Variants in BRD10 observed in about 807,000 individuals in gnomAD.
BRD10 encodes uncharacterized bromodomain-containing protein 10.
At chr9:5,946,499 T>C in the BRD10 span, among the ~76,000 whole-genome samples, 2 of 152,036 alleles carry the variant, frequency 1.3e-5, no homozygotes, top group Non-Finnish European at 2.9e-5. Flanking sequence ...TCAACTTCTA[T>C]TGTAACTATG....
chr9:5,909,641 G>T, the BRD10 span: 1 of 152,222 alleles, frequency 6.6e-6, no homozygotes, highest in Admixed American at 6.5e-5. Flanking sequence ...CTAATGACAA[G>T]TATTTTCTAC....
chr9:5,908,763 G>C, the BRD10 span: 2 of 1,500,592 alleles, frequency 1.3e-6, no homozygotes, highest in Non-Finnish European at 9.3e-7. Context: ...ACTTTTGCTT[G>C]AATTTAATAC....
chr9:5,920,355 T>C, the BRD10 span: 10 of 1,613,888 alleles, frequency 6.2e-6, no homozygotes, highest in Non-Finnish European at 8.5e-6. Flanking sequence ...AAAGGTGTAC[T>C]GGTATTGATG....
chr9:5,928,368 T>A, the BRD10 span, among the ~76,000 whole-genome samples: 1 of 152,162 alleles, frequency 6.6e-6, no homozygotes, highest in African/African-American at 2.4e-5. Flanking sequence ...AACAGAGTGA[T>A]TGCTTTAAAA....
chr9:5,921,039 G>A, the BRD10 span: 1 of 1,613,914 alleles, frequency 6.2e-7, no homozygotes, highest in Non-Finnish European at 8.5e-7. Flanking sequence ...GTAACTGAAA[G>A]CACATTTACT....
chr9:5,976,153 T>C, the BRD10 span, among the ~76,000 whole-genome samples: 5 of 152,194 alleles, frequency 3.3e-5, no homozygotes, highest in African/African-American at 7.2e-5. Flanking sequence ...TGCCTTTTAG[T>C]AGCCTTAAAG....
At chr9:5,949,110 G>C in the BRD10 span, among the ~76,000 whole-genome samples, 2 of 151,800 alleles carry the variant, frequency 1.3e-5, no homozygotes, top group African/African-American at 4.9e-5. Context: ...TGTTAAAAGT[G>C]AAACAAAAAG....
chr9:5,983,823 AAGAT>A, the BRD10 span, among the ~76,000 whole-genome samples: 1 of 152,232 alleles, frequency 6.6e-6, no homozygotes, highest in East Asian at 1.9e-4. Flanking sequence ...TAAGAGAAAT[AAGAT>A]AGACCACCCC....
the BRD10 span, among the ~76,000 whole-genome samples, chr9:5,894,039 C>A: frequency 3.9e-5 from 6 of 152,148 alleles, no homozygotes; most frequent in East Asian, 1.2e-3. This position sits in a 1 kb window ranked among gnomAD's most constrained non-coding sequence, Gnocchi z 4.0. Context: ...GGTCTGTTTG[C>A]CTCCAGAGTC....
chr9:5,953,873 G>C, the BRD10 span: 1 of 623,532 alleles, frequency 1.6e-6, no homozygotes, highest in South Asian at 2.0e-5. Context: ...ATCTGCACTT[G>C]CAGGGAGAAA....
the BRD10 span, chr9:6,007,438 TCCG>T: frequency 1.9e-6 from 3 of 1,606,814 alleles, no homozygotes; most frequent in Non-Finnish European, 2.6e-6. Context: ...GCGCGGCCCT[TCCG>T]CCACCTCCTC....
the BRD10 span, among the ~76,000 whole-genome samples, chr9:5,970,330 T>A: frequency 1.3e-5 from 2 of 152,176 alleles, no homozygotes; most frequent in Non-Finnish European, 1.5e-5. Context: ...CAGTACTTAA[T>A]AGTCATAATG....
At chr9:5,988,715 TTA>T in the BRD10 span, among the ~76,000 whole-genome samples, 1,267 of 152,230 alleles carry the variant, frequency 8.3e-3, 16 homozygotes, top group African/African-American at 0.028. Context: ...CTCATACTCC[TTA>T]TGTCATAAAA....
chr9:5,970,398 G>C, the BRD10 span, among the ~76,000 whole-genome samples: 1 of 151,936 alleles, frequency 6.6e-6, no homozygotes, highest in South Asian at 2.1e-4. Flanking sequence ...ATAATTTCTA[G>C]GTTAATAGGA....
the BRD10 span, among the ~76,000 whole-genome samples, chr9:6,003,874 A>G: frequency 4.0e-4 from 61 of 152,260 alleles, no homozygotes; most frequent in Admixed American, 1.9e-3. Context: ...AAATAATAAC[A>G]GAACATACTT....
chr9:5,964,911 TG>T, the BRD10 span, among the ~76,000 whole-genome samples: 1 of 41,154 alleles, frequency 2.4e-5, no homozygotes, highest in Non-Finnish European at 4.2e-5. Context: ...TGTGGTGGGG[TG>T]GGGGGAGGGG....
chr9:5,945,505 A>AT, the BRD10 span, among the ~76,000 whole-genome samples: 1 of 152,158 alleles, frequency 6.6e-6, no homozygotes. Flanking sequence ...CACATTCTTA[A>AT]TATCAGTTTA....
At chr9:5,957,418 C>T in the BRD10 span, among the ~76,000 whole-genome samples, 3 of 152,154 alleles carry the variant, frequency 2.0e-5, no homozygotes, top group African/African-American at 7.2e-5. Flanking sequence ...ACATACTGCG[C>T]ATTTGTTATT....
chr9:5,946,025 A>G, the BRD10 span, among the ~76,000 whole-genome samples: 2 of 152,094 alleles, frequency 1.3e-5, no homozygotes, highest in Non-Finnish European at 2.9e-5. Context: ...TTCTTCTGTT[A>G]GAAGAGCAAA....
Sources: allele counts gnomAD v4.1 joint callset (sites outside exome capture counted in the v4.1 genomes callset), GRCh38; gene constraint gnomAD v4.1.1; non-coding constraint Gnocchi (gnomAD v3.1); transcripts MANE v1.5; gene names NCBI Gene and HGNC (gene_info 2026-07-23, HGNC 2026-07-21).